LINGO2: variants seen among roughly 807,000 people sequenced by gnomAD.
LINGO2 encodes the protein leucine rich repeat and Ig domain containing 2, also known as leucine-rich repeat and immunoglobulin-like domain-containing nogo receptor-interacting protein 2.
A neutral mutation model predicts 30.6 loss-of-function variants in LINGO2; 14 were observed. That is an observed-to-expected ratio of 0.46 (90% confidence interval 0.30 to 0.72). The LOEUF (loss-of-function observed/expected upper bound fraction) is 0.72. Ranked by LOEUF, LINGO2 falls within the 30% of genes least tolerant of loss-of-function variation. The pLI, the probability that LINGO2 is intolerant of heterozygous loss-of-function variation, is 0.07. For missense variants in LINGO2, 729 were observed against 751.7 expected, an observed-to-expected ratio of 0.97 and a Z score of 0.35; for synonymous variants, 317 against 288.5, an observed-to-expected ratio of 1.10 and a Z score of -1.00.
intron 4 of LINGO2, among the ~76,000 whole-genome samples, chr9:28,253,869 C>T (rs1181625128): frequency 2.0e-5 from 3 of 152,070 alleles, no homozygotes; most frequent in African/African-American, 7.2e-5. Context: ...AAAATGTGCA[C>T]GGGTGGAGCC....
intron 4 of LINGO2, among the ~76,000 whole-genome samples, chr9:28,194,485 C>T (rs918641619): frequency 1.3e-5 from 2 of 150,226 alleles, no homozygotes; most frequent in African/African-American, 2.4e-5. Flanking sequence ...AGCAGTCTGA[C>T]TCCAGAGTAC....
chr9:28,468,075 AATAG>A (rs1457431833), intron 2 of LINGO2, among the ~76,000 whole-genome samples: 1 of 152,202 alleles, frequency 6.6e-6, no homozygotes, highest in East Asian at 1.9e-4. Context: ...CACTAAAATA[AATAG>A]ATAAACTTAT....
At chr9:28,500,151 G>T (rs778734799) in intron 1 of LINGO2, among the ~76,000 whole-genome samples, 9 of 152,130 alleles carry the variant, frequency 5.9e-5, no homozygotes, top group Non-Finnish European at 1.0e-4. Context: ...GAGCCACTGT[G>T]TGGGTCTTCT....
intron 4 of LINGO2, among the ~76,000 whole-genome samples, chr9:28,208,360 C>G (rs1230826933): frequency 6.6e-6 from 1 of 152,008 alleles, no homozygotes; most frequent in African/African-American, 2.4e-5. Flanking sequence ...TAAATCTATT[C>G]AAAGCATTTT....
intron 4 of LINGO2, among the ~76,000 whole-genome samples, chr9:28,070,717 C>G (rs1201448238): frequency 7.5e-6 from 1 of 132,956 alleles, no homozygotes; most frequent in African/African-American, 4.1e-5. Flanking sequence ...TTGTTTTGTT[C>G]TGTTTGTTTT....
At chr9:28,970,236 C>T in the LINGO2 span, among the ~76,000 whole-genome samples, 1 of 151,982 alleles carries the variant, frequency 6.6e-6, no homozygotes, top group East Asian at 1.9e-4. Context: ...TACTGAAGGG[C>T]CTAGACTACT....
At chr9:28,886,141 GT>G in the LINGO2 span, among the ~76,000 whole-genome samples, 4 of 152,176 alleles carry the variant, frequency 2.6e-5, no homozygotes, top group East Asian at 7.7e-4. Flanking sequence ...AAATCAACGA[GT>G]TATGTTTGCT....
chr9:28,562,621 A>G (rs1823157909), intron 1 of LINGO2, among the ~76,000 whole-genome samples: 1 of 151,946 alleles, frequency 6.6e-6, no homozygotes, highest in South Asian at 2.1e-4. Flanking sequence ...AAGGTTTACA[A>G]TGTTAAAGCT....
the LINGO2 span, among the ~76,000 whole-genome samples, chr9:29,096,066 C>T: frequency 7.3e-6 from 1 of 137,878 alleles, no homozygotes; most frequent in African/African-American, 2.7e-5. Context: ...TTTCAGAAGC[C>T]CAATGATGTT....
chr9:28,586,535 G>T (rs1824550711), intron 1 of LINGO2, among the ~76,000 whole-genome samples: 3 of 151,936 alleles, frequency 2.0e-5, no homozygotes, highest in African/African-American at 7.2e-5. Flanking sequence ...GAATGTATAA[G>T]TATAGTTTAC....
intron 2 of LINGO2, among the ~76,000 whole-genome samples, chr9:28,415,311 C>G (rs1822923170): frequency 1.3e-5 from 2 of 152,162 alleles, no homozygotes; most frequent in South Asian, 4.1e-4. Context: ...TCCAGCCTGT[C>G]TACTTCCACT....
chr9:27,993,632 T>C (rs2119053796), intron 5 of LINGO2, among the ~76,000 whole-genome samples: 1 of 152,300 alleles, frequency 6.6e-6, no homozygotes, highest in African/African-American at 2.4e-5. Context: ...ATTTTCCTCT[T>C]TTTAGAATGC....
chr9:29,213,104 G>C, the LINGO2 span, among the ~76,000 whole-genome samples: 4 of 152,082 alleles, frequency 2.6e-5, no homozygotes, highest in African/African-American at 9.7e-5. Flanking sequence ...CCAAGCCTTC[G>C]TACCAGTGGA....
At chr9:29,135,511 T>C in the LINGO2 span, among the ~76,000 whole-genome samples, 2 of 150,824 alleles carry the variant, frequency 1.3e-5, no homozygotes, top group African/African-American at 4.9e-5. Flanking sequence ...TGAGCCGGGA[T>C]TGCACCACTG....
intron 1 of LINGO2, among the ~76,000 whole-genome samples, chr9:28,594,443 G>A (rs1316281590): frequency 6.6e-6 from 1 of 151,982 alleles, no homozygotes; most frequent in Non-Finnish European, 1.5e-5. Context: ...CCTCCACTAA[G>A]TCAAACTGCT....
At chr9:28,923,736 G>T in the LINGO2 span, among the ~76,000 whole-genome samples, 13 of 152,106 alleles carry the variant, frequency 8.5e-5, no homozygotes, top group Admixed American at 7.9e-4. Flanking sequence ...GGAAAAACCT[G>T]GTCTAGTCAT....
chr9:28,914,899 G>A, the LINGO2 span, among the ~76,000 whole-genome samples: 2 of 152,154 alleles, frequency 1.3e-5, no homozygotes, highest in African/African-American at 2.4e-5. Context: ...TTGGGAGGCC[G>A]AGGCAGGCGG....
At chr9:28,873,376 T>A in the LINGO2 span, among the ~76,000 whole-genome samples, 11 of 134,380 alleles carry the variant, frequency 8.2e-5, no homozygotes, top group South Asian at 2.3e-4. Flanking sequence ...AGAGACTCAG[T>A]CTCAAAAAAA....
chr9:29,013,388 G>C, the LINGO2 span, among the ~76,000 whole-genome samples: 7 of 80,404 alleles, frequency 8.7e-5, no homozygotes, highest in Non-Finnish European at 2.0e-4. Flanking sequence ...ATTTTATTAT[G>C]AGTTTTTTTT....
Sources: allele counts gnomAD v4.1 joint callset (sites outside exome capture counted in the v4.1 genomes callset), GRCh38; gene constraint gnomAD v4.1.1; transcripts MANE v1.5; gene names NCBI Gene and HGNC (gene_info 2026-07-23, HGNC 2026-07-21).